ARHGAP24: variants seen among roughly 807,000 people sequenced by gnomAD.
ARHGAP24 encodes rho GTPase-activating protein 24.
ARHGAP24 carries 50 observed loss-of-function variants against 76.4 expected under a neutral mutation model. The ratio of observed to expected loss-of-function variants is 0.65; its 90% CI spans 0.52 to 0.83. The LOEUF (loss-of-function observed/expected upper bound fraction) is 0.83, where lower values mean the gene tolerates loss of function less well. Among genes scored for constraint, ARHGAP24 ranks in the 40% least tolerant of loss-of-function variants. The pLI, the probability that ARHGAP24 is intolerant of heterozygous loss-of-function variation, is 0.00. For missense variants in ARHGAP24, 930 were observed against 914.2 expected (o/e 1.02, Z -0.22); for synonymous variants, 345 against 323.3 (o/e 1.07, Z -0.72).
At chr4:85,523,067 T>C (rs1316323078) in intron 1 of ARHGAP24, among the ~76,000 whole-genome samples, 1 of 152,206 alleles carries the variant, frequency 6.6e-6, no homozygotes, top group Non-Finnish European at 1.5e-5. Flanking sequence ...TTGGACGTGG[T>C]AGAGTGGTAT....
chr4:85,793,469 A>C (rs1172513667), intron 3 of ARHGAP24, among the ~76,000 whole-genome samples: 2 of 152,216 alleles, frequency 1.3e-5, no homozygotes, highest in Non-Finnish European at 2.9e-5. Flanking sequence ...AAACAGGGCA[A>C]GTAGAAATTT....
Position 85,617,085 on chromosome 4 carries a change from TTA to T in ARHGAP24, c.180+46372_180+46373del, listed in dbSNP as rs1003256825. Among the ~76,000 whole-genome samples the T allele has an allele frequency of 1.6e-4, 23 of 147,590 alleles. No homozygotes were observed. The South Asian group carries it at 4.4e-3, about 28-fold the overall frequency. ...ATAATATATATGTTATAAATATGTA[TTA>T]TATATATTTATAAATATATATTTAA... On this transcript the variant is annotated intron_variant, in intron 2 of 9. Coordinates refer to ENST00000395184, the MANE Select transcript of ARHGAP24 (RefSeq NM_001025616.3).
intron 1 of ARHGAP24, among the ~76,000 whole-genome samples, chr4:85,476,096 T>C (rs1316861505): frequency 6.7e-6 from 1 of 149,116 alleles, no homozygotes; most frequent in Non-Finnish European, 1.5e-5. Flanking sequence ...TTATAAAATA[T>C]ATACATATAT....
chr4:85,486,880 G>A (rs1017752726), intron 1 of ARHGAP24, among the ~76,000 whole-genome samples: 2 of 151,914 alleles, frequency 1.3e-5, no homozygotes, highest in Non-Finnish European at 2.9e-5. Flanking sequence ...ACAATATACT[G>A]AGTAGTTCCT....
Position 85,995,598 on chromosome 4 carries a change from T to C in ARHGAP24, c.1944T>C (p.Val648=), listed in dbSNP as rs1740615873. 1 of 1,613,880 alleles carries C rather than the reference T, an allele frequency of 6.2e-7. No homozygotes were observed. The highest frequency in any genetic ancestry group is 1.7e-5 in the Admixed American group (1 of 59,970). The change falls in exon 9 of 10, where the codon GTT becomes GTC. Residue 648 remains valine (V), a synonymous_variant. Coordinates refer to ENST00000395184, the MANE Select transcript of ARHGAP24 (RefSeq NM_001025616.3). ...ACCACAGTGCACTGCACAGTTTAGT[T>C]TCCAGCCTGAAACAGGAAATGACCA... ...SSNHSALHSL[V]SSLKQEMTKQ...
chr4:85,508,958 GC>G lies in ARHGAP24; in HGVS notation c.-21+33402del, dbSNP rs199710697. On this transcript the variant is annotated intron_variant, in intron 1 of 9. Transcript: ENST00000395184. ...TTGCTTATCAGGTCTGGCTCCTTCTGCCCTTCCATGAAGCCTTCCCTCAGTC... is the reference window on the plus strand; with the variant it reads ...TTGCTTATCAGGTCTGGCTCCTTCTGCCTTCCATGAAGCCTTCCCTCAGTC... 4.7e-4 allele frequency among the ~76,000 whole-genome samples: 71 copies of G among 152,064 alleles called. 1 individual carries two copies. In the East Asian group the frequency reaches 9.9e-3, roughly 21 times the overall value.
At chr4:85,504,604 T>C (rs898623339) in intron 1 of ARHGAP24, among the ~76,000 whole-genome samples, 1 of 152,232 alleles carries the variant, frequency 6.6e-6, no homozygotes, top group African/African-American at 2.4e-5. Flanking sequence ...ATTTTGAGCC[T>C]ATGTGCGTCT....
chr4:85,817,543 A>G (rs79929512), intron 3 of ARHGAP24, among the ~76,000 whole-genome samples: 1,939 of 152,328 alleles, frequency 0.013, 52 homozygotes, highest in East Asian at 0.12. Context: ...TTAGGGGAAG[A>G]CATCATACAA....
At chr4:85,535,225 A>G (rs929104092) in intron 1 of ARHGAP24, among the ~76,000 whole-genome samples, 3 of 152,184 alleles carry the variant, frequency 2.0e-5, no homozygotes, top group Admixed American at 2.0e-4. Context: ...TAAAGAAAAG[A>G]AAGTTTTTTA....
At chr4:85,497,098 C>T (rs926858064) in intron 1 of ARHGAP24, among the ~76,000 whole-genome samples, 7 of 152,114 alleles carry the variant, frequency 4.6e-5, no homozygotes, top group Non-Finnish European at 8.8e-5. Context: ...AAATATGAAA[C>T]GGTTAAAACG....
At chr4:85,902,685 C>T (rs1356656462) in intron 3 of ARHGAP24, among the ~76,000 whole-genome samples, 1 of 152,176 alleles carries the variant, frequency 6.6e-6, no homozygotes, top group Non-Finnish European at 1.5e-5. Flanking sequence ...CTCACTGCAA[C>T]CTCCGCCTCC....
At chr4:85,556,722 G>A (rs1403845785) in intron 1 of ARHGAP24, among the ~76,000 whole-genome samples, 1 of 152,166 alleles carries the variant, frequency 6.6e-6, no homozygotes, top group African/African-American at 2.4e-5. Flanking sequence ...CTGCTTTTCT[G>A]TAAGGTGGCT....
chr4:85,641,887 C>A (rs1560565677), intron 2 of ARHGAP24, among the ~76,000 whole-genome samples: 2 of 152,054 alleles, frequency 1.3e-5, no homozygotes, highest in African/African-American at 4.8e-5. Flanking sequence ...CCTCTTGGGC[C>A]TTTTATGGAG....
chr4:85,565,986 C>T (rs905082282), intron 1 of ARHGAP24, among the ~76,000 whole-genome samples: 2 of 152,098 alleles, frequency 1.3e-5, no homozygotes, highest in Non-Finnish European at 2.9e-5. Context: ...GTTGTTGAAA[C>T]CAGTTTCCTC....
intron 3 of ARHGAP24, among the ~76,000 whole-genome samples, chr4:85,812,264 C>G (rs1345232607): frequency 2.6e-5 from 4 of 151,870 alleles, no homozygotes; most frequent in African/African-American, 9.7e-5. Flanking sequence ...GTCACTTTTC[C>G]AAAAAATTAT....
chr4:85,683,762 C>T (rs778915785), intron 2 of ARHGAP24, among the ~76,000 whole-genome samples: 5 of 152,146 alleles, frequency 3.3e-5, no homozygotes, highest in Non-Finnish European at 7.3e-5. Flanking sequence ...CCTTTCCCAA[C>T]CTCCAACCCC....
intron 2 of ARHGAP24, among the ~76,000 whole-genome samples, chr4:85,666,843 C>T (rs75323256): frequency 2.0e-5 from 3 of 152,100 alleles, no homozygotes; most frequent in East Asian, 3.9e-4. Flanking sequence ...GCTGTCTGAT[C>T]GTTCCTCTGG....
chr4:85,689,090 A>G (rs1723536400), intron 2 of ARHGAP24, among the ~76,000 whole-genome samples: 1 of 152,314 alleles, frequency 6.6e-6, no homozygotes, highest in African/African-American at 2.4e-5. Context: ...GAAAAATAAC[A>G]TTGGTGGTTT....
intron 1 of ARHGAP24, among the ~76,000 whole-genome samples, chr4:85,554,693 A>G (rs1726279026): frequency 6.6e-6 from 1 of 151,684 alleles, no homozygotes; most frequent in African/African-American, 2.4e-5. Context: ...ATGGAGTCTC[A>G]CTCTGTCACC....
Sources: gnomAD v4.1 joint callset for allele counts (sites outside exome capture counted in the v4.1 genomes callset) on GRCh38, gnomAD v4.1.1 for gene constraint, MANE v1.5 for transcripts, NCBI Gene and HGNC (gene_info 2026-07-23, HGNC 2026-07-21) for gene names.